The following RDH16 variants were observed in gnomAD, a reference collection of about 807,000 sequenced individuals.
RDH16 encodes retinol dehydrogenase 16, also known as human epidermal retinol dehydrogenase.
RDH16 carries 25 observed loss-of-function variants against 22.3 expected under a neutral mutation model. The ratio of observed to expected loss-of-function variants is 1.12; its 90% CI spans 0.82 to 1.56. The LOEUF (loss-of-function observed/expected upper bound fraction) is 1.56, where lower values mean the gene tolerates loss of function less well. Among genes scored for constraint, RDH16 ranks in the 40% most tolerant of loss-of-function variants. The pLI is 0.00. For missense variants in RDH16, 413 were observed against 394.9 expected (o/e 1.05, Z -0.39); for synonymous variants, 154 against 164.4 (o/e 0.94, Z 0.48).
intron 1 of RDH16, among the ~76,000 whole-genome samples, chr12:56,956,196 T>G (rs942929762): frequency 6.6e-6 from 1 of 152,128 alleles, no homozygotes; most frequent in African/African-American, 2.4e-5. Context: ...TACAGAGACG[T>G]TGGCAAATAA....
Position 56,951,863 on chromosome 12 carries a change from G to A in RDH16, c.*166C>T, listed in dbSNP as rs1592430525. The A allele has an allele frequency of 1.6e-6, 1 of 621,540 alleles. No homozygotes were observed. The highest frequency in any genetic ancestry group is 2.8e-6 in the Non-Finnish European group (1 of 351,398). The allele number at this position is 621,540 out of a possible 1,614,324, so 38.5% of individuals were successfully genotyped here. A position where few individuals can be genotyped will look rare whatever the true frequency, so the allele number is the denominator to read the frequency against. On this transcript the variant is annotated 3_prime_UTR_variant, in exon 4 of 4. Transcript: ENST00000398138. ...ACTTTCCTACCAACATCTCCAGAGA[G>A]CAGAATTATCTCCCAGGAGAATCAT...
intron 1 of RDH16, among the ~76,000 whole-genome samples, 178 bp downstream of exon 1, chr12:56,956,972 G>A (rs958126630): frequency 6.6e-6 from 1 of 152,182 alleles, no homozygotes; most frequent in East Asian, 1.9e-4. Flanking sequence ...AATGTCGGGA[G>A]AGGTTAAGGA....
chr12:56,957,385 G>C lies in RDH16; in HGVS notation c.78C>G (p.His26Gln), dbSNP rs766431340. Reference protein sequence around the residue: ...HWYRERQVLSHLRDKYVFITG... With the variant: ...HWYRERQVLSQLRDKYVFITG... ...TGATGAACACATACTTATCTCTCAG[G>C]TGGCTCAGCACCTGCCTCTCCCGGT... is the stretch of plus-strand genomic sequence containing the variant. Residue 26 changes from histidine (H) to glutamine (Q), a missense_variant, in exon 1 of 4, where the codon CAC becomes CAG. Physicochemically the swap from His to Gln is conservative, Grantham distance 24. Transcript: ENST00000398138. The C allele has an allele frequency of 2.5e-6, 4 of 1,614,120 alleles. No individual in the cohort carries two copies. The highest frequency in any genetic ancestry group is 3.4e-6 in the Non-Finnish European group (4 of 1,180,016).
chr12:56,952,347 C>T, intron 3 of RDH16, 101 bp from the exon 4 acceptor site: 1 of 1,072,544 alleles, frequency 9.3e-7, no homozygotes, highest in Non-Finnish European at 1.4e-6. Flanking sequence ...CATGCCACCC[C>T]ACAACCCCCA....
chr12:56,952,178 C>T lies in RDH16; in HGVS notation c.805G>A (p.Glu269Lys), dbSNP rs1278170411. The T allele has an allele frequency of 1.2e-6, 2 of 1,614,182 alleles. No individual in the cohort carries two copies. Among genetic ancestry groups the T allele is most frequent in the South Asian group, 1.1e-5 (1 of 91,074 alleles). Residue 269 changes from glutamate to lysine, a missense_variant, in exon 4 of 4, where the codon GAG becomes AAG. Glu to Lys is a moderately conservative substitution (Grantham distance 56). Transcript: ENST00000398138. ...GGGTGGCAGGCAATCAGCGCATGCT[C>T]CATGCAGTTGGTCACCAACGACAGA... ...QDLSLVTNCMEHALIACHPRT... is the reference protein window; with the variant it reads ...QDLSLVTNCMKHALIACHPRT...
rs1432616872 is a variant in RDH16 at position 56,952,138 on chromosome 12, GAGT to G, written c.842_844del (p.Tyr281del). 1.9e-6 allele frequency: 3 copies of G among 1,614,058 alleles called. No homozygotes were observed. Among genetic ancestry groups the G allele is most frequent in the Admixed American group, 3.3e-5 (2 of 60,008 alleles). ...GAGAAGCTTGGCATCCCAGCCAGCT[GAGT>G]AGCGAGTACGGGGGTGGCAGGCAAT... On this transcript the variant is annotated inframe_deletion, in exon 4 of 4. Transcript: ENST00000398138.
At position 56,952,967 on chromosome 12, in the gene RDH16, AC is replaced by A. The variant is rs3215090; in HGVS notation, c.595del (p.Val199Ter). On this transcript the variant is annotated frameshift_variant, in exon 3 of 4. Transcript: ENST00000398138. LOFTEE classifies it high-confidence loss of function. ...SLRRELSYFG[V>X]KVAMIEPGYF... is the part of the protein sequence containing the mutation. ...GCCAGGTTCAATCATAGCCACCTTC[AC>A]CCCAAAGTAGGAGAGTTCCCTCCTG... 8.4e-4 allele frequency: 1,350 copies of A among 1,613,352 alleles called. 18 individuals are homozygous for A. In the East Asian group the frequency reaches 0.015, roughly 18 times the overall value.
chr12:56,952,295 C>T, intron 3 of RDH16, 49 bp from the exon 4 acceptor site: 1 of 1,551,090 alleles, frequency 6.4e-7, no homozygotes, highest in South Asian at 1.2e-5. Context: ...TCTAACCGCT[C>T]CTGCTTTGGA....
chr12:56,954,409 G>C (rs1955908224), intron 2 of RDH16, among the ~76,000 whole-genome samples: 1 of 152,182 alleles, frequency 6.6e-6, no homozygotes. Context: ...ATCTTTCTCT[G>C]CTCCTTCTCT....
At position 56,955,148 on chromosome 12, in the gene RDH16, C is replaced by A; in HGVS notation, c.330G>T (p.Val110=). Residue 110 remains valine, a synonymous_variant, in exon 2 of 4, where the codon GTG becomes GTT. Coordinates refer to ENST00000398138, the MANE Select transcript of RDH16 (RefSeq NM_003708.5). ...CVRDKGLWGL[V]NNAGISLPTA... ...TGGGCAAGGAGATGCCAGCATTATT[C>A]ACCAGGCCCCAGAGTCCTGGGACAG... is the stretch of plus-strand genomic sequence containing the variant. 1 of 1,614,076 alleles carries A rather than the reference C, an allele frequency of 6.2e-7. No homozygotes were observed.
chr12:56,951,975 A>G lies in RDH16; in HGVS notation c.*54T>C. The G allele has an allele frequency of 6.6e-7, 1 of 1,520,670 alleles. No individual in the cohort carries two copies. Among genetic ancestry groups the G allele is most frequent in the Non-Finnish European group, 9.1e-7 (1 of 1,098,494 alleles). The allele number at this position is 1,520,670 out of a possible 1,614,324, so 94.2% of individuals were successfully genotyped here. A position where few individuals can be genotyped will look rare whatever the true frequency, so the allele number is the denominator to read the frequency against. ...CACTTTATATCTCTCCCAAGGATACACCACCCCTCATAGCACACCCCAAAT... is the reference window on the plus strand; with the variant it reads ...CACTTTATATCTCTCCCAAGGATACGCCACCCCTCATAGCACACCCCAAAT... On this transcript the variant is annotated 3_prime_UTR_variant, in exon 4 of 4. Transcript: ENST00000398138.
chr12:56,954,611 C>G (rs186418147), intron 2 of RDH16, among the ~76,000 whole-genome samples: 27 of 152,284 alleles, frequency 1.8e-4, no homozygotes, highest in Non-Finnish European at 2.2e-4. Context: ...GCCAAAGATC[C>G]AGGTCCAATT....
chr12:56,952,131 G>A lies in RDH16; in HGVS notation c.852C>T (p.Gly284=). 1 of 1,614,164 alleles carries A rather than the reference G, an allele frequency of 6.2e-7. No homozygotes were observed. The highest frequency in any genetic ancestry group is 8.5e-7 in the Non-Finnish European group (1 of 1,180,028). The stretch of plus-strand genomic sequence containing the variant: ...GGAGGTAGAGAAGCTTGGCATCCCA[G>A]CCAGCTGAGTAGCGAGTACGGGGGT... ...ACHPRTRYSA[G]WDAKLLYLPM... is the part of the protein sequence containing the mutation. The change falls in exon 4 of 4, where the codon GGC becomes GGT. Residue 284 remains glycine, a synonymous_variant. Transcript: ENST00000398138.
intron 1 of RDH16, among the ~76,000 whole-genome samples, chr12:56,956,228 A>C (rs1955927893): frequency 6.6e-6 from 1 of 152,232 alleles, no homozygotes; most frequent in African/African-American, 2.4e-5. Context: ...GATGACATTT[A>C]TGATGAATAA....
At position 56,955,312 on chromosome 12, in the gene RDH16, AG is replaced by A. The variant is rs574516355; in HGVS notation, c.314-149del. The A allele has an allele frequency of 5.4e-5, 52 of 971,342 alleles. No homozygotes were observed. The East Asian group carries it at 1.3e-3, about 25-fold the overall frequency. 60.2% of individuals were successfully genotyped at this position (971,342 alleles called of 1,614,324 possible). A position where few individuals can be genotyped will look rare whatever the true frequency, so the allele number is the denominator to read the frequency against. On this transcript the variant is annotated intron_variant, in intron 1 of 3. Coordinates refer to ENST00000398138, the MANE Select transcript of RDH16 (RefSeq NM_003708.5). ...GGTATAACAAACACCACAGTATCACAGGGGTGGGGGCTGAGCATTCAGCAGC... is the reference window on the plus strand; with the variant it reads ...GGTATAACAAACACCACAGTATCACAGGGTGGGGGCTGAGCATTCAGCAGC...
chr12:56,953,082 T>C (rs927915983), intron 2 of RDH16, 92 bp from the exon 3 acceptor site: 18 of 1,132,284 alleles, frequency 1.6e-5, no homozygotes, highest in Non-Finnish European at 2.3e-5. Flanking sequence ...TCACAACATA[T>C]GAGGACAATG....
intron 2 of RDH16, among the ~76,000 whole-genome samples, chr12:56,953,798 G>A (rs1333005068): frequency 6.6e-6 from 1 of 152,138 alleles, no homozygotes; most frequent in African/African-American, 2.4e-5. Flanking sequence ...GAATCTCCAG[G>A]ACTCTCCTCA....
intron 2 of RDH16, among the ~76,000 whole-genome samples, chr12:56,954,648 G>GATCC (rs1385054195): frequency 2.0e-5 from 3 of 152,202 alleles, no homozygotes; most frequent in Non-Finnish European, 2.9e-5. Context: ...CTGACCAAGA[G>GATCC]ATCCATCCAG....
rs1955888009 is a variant in RDH16, at chr12:56,952,217, T to G, written c.766A>C (p.Lys256Gln). The G allele has an allele frequency of 1.2e-6, 2 of 1,614,138 alleles. No homozygotes were observed. Among genetic ancestry groups the G allele is most frequent in the East Asian group, 4.5e-5 (2 of 44,884 alleles). Residue 256 changes from lysine (K) to glutamine (Q), a missense_variant, in exon 4 of 4, where the codon AAG (lysine) becomes CAG (glutamine). Physicochemically the swap from Lys to Gln is moderately conservative, Grantham distance 53. Transcript: ENST00000398138. ...ACCAACGACAGATCCTGTGTGCACT[T>G]CTGCTCCATTTGTTCAGCTGATTTC... ...YKKSAEQMEQKCTQDLSLVTN... is the reference protein window; with the variant it reads ...YKKSAEQMEQQCTQDLSLVTN...
Sources: allele counts gnomAD v4.1 joint callset (sites outside exome capture counted in the v4.1 genomes callset), GRCh38; gene constraint gnomAD v4.1.1; transcripts MANE v1.5; gene names NCBI Gene and HGNC (gene_info 2026-07-23, HGNC 2026-07-21).